ADAMTS2: variants seen among roughly 807,000 people sequenced by gnomAD.
ADAMTS2 encodes the protein ADAM metallopeptidase with thrombospondin type 1 motif 2.
A neutral mutation model predicts 123.0 loss-of-function variants in ADAMTS2; 50 were observed. The ratio of observed to expected loss-of-function variants is 0.41; its 90% CI spans 0.32 to 0.51. The LOEUF (loss-of-function observed/expected upper bound fraction) is 0.51. Ranked by LOEUF, ADAMTS2 falls within the 20% of genes least tolerant of loss-of-function variation. The pLI is 0.35. For missense variants in ADAMTS2, 1,494 were observed against 1,705.2 expected (o/e 0.88, Z 2.18); for synonymous variants, 678 against 695.4 (o/e 0.98, Z 0.39).
intron 3 of ADAMTS2, among the ~76,000 whole-genome samples, chr5:179,255,547 T>C (rs1766026701): frequency 6.6e-6 from 1 of 152,156 alleles, no homozygotes; most frequent in Admixed American, 6.5e-5. Context: ...CCTCTCTGCC[T>C]CCACCAGTGA....
In ADAMTS2 at chr5:179,345,344, G is replaced by A; in HGVS notation, c.-16C>T. On this transcript the variant is annotated 5_prime_UTR_variant, in exon 1 of 22. Transcript: ENST00000251582. This position sits in a 1 kb window ranked among gnomAD's most constrained non-coding sequence, Gnocchi z 7.5. Reference sequence around the variant, plus strand: ...GCGGATCCATGGCAGCCGGACTGCAGCCGGGGCCCCGCACTCGCAGCCGGC... The same window carrying A: ...GCGGATCCATGGCAGCCGGACTGCAACCGGGGCCCCGCACTCGCAGCCGGC... 1.8e-6 allele frequency: 2 copies of A among 1,132,724 alleles called. No homozygotes were observed. Among genetic ancestry groups the A allele is most frequent in the Admixed American group, 4.9e-5 (1 of 20,420 alleles). 70.2% of individuals were successfully genotyped at this position (1,132,724 alleles called of 1,614,324 possible).
At position 179,256,053 on chromosome 5, in the gene ADAMTS2, C is replaced by T. The variant is rs55965316; in HGVS notation, c.688+16858G>A. 0.052 allele frequency among the ~76,000 whole-genome samples: 7,971 copies of T among 152,310 alleles called. 291 individuals are homozygous for T. Among genetic ancestry groups the T allele is most frequent in the Non-Finnish European group, 0.074 (5,019 of 68,022 alleles). ...CCTTCTCTGTCCCCAGCCTCTCCCG[C>T]AGCTTGGCCTTGGTCCACCGTGGAC... On this transcript the variant is annotated intron_variant, in intron 3 of 21. Transcript: ENST00000251582. The surrounding 1 kb of genome is among the most constrained non-coding windows in gnomAD (Gnocchi z 4.1).
At chr5:179,230,640 CT>C (rs1185927160) in intron 3 of ADAMTS2, among the ~76,000 whole-genome samples, 1 of 152,220 alleles carries the variant, frequency 6.6e-6, no homozygotes, top group Admixed American at 6.5e-5. Context: ...TCTATACAGA[CT>C]TCCTCCATTT....
intron 13 of ADAMTS2, among the ~76,000 whole-genome samples, chr5:179,134,180 G>A (rs535939790): frequency 6.6e-6 from 1 of 152,244 alleles, no homozygotes; most frequent in African/African-American, 2.4e-5. Context: ...TATTAATTAT[G>A]TTTTTGTTTT....
At chr5:179,140,902 C>G (rs1275274136) in intron 10 of ADAMTS2, among the ~76,000 whole-genome samples, 1 of 147,996 alleles carries the variant, frequency 6.8e-6, no homozygotes, top group Non-Finnish European at 1.5e-5. Context: ...TGGGTTCAAG[C>G]GATTCTCTTG....
At position 179,241,769 on chromosome 5, in the gene ADAMTS2, A is replaced by G. The variant is rs546540454; in HGVS notation, c.688+31142T>C. Among the ~76,000 whole-genome samples, 3 of 152,386 alleles carry G rather than the reference A, an allele frequency of 2.0e-5. 1 individual carries two copies. Among genetic ancestry groups the G allele is most frequent in the Admixed American group, 2.0e-4 (3 of 15,308 alleles). On this transcript the variant is annotated intron_variant, in intron 3 of 21. Transcript: ENST00000251582. ...TGAAGTTTCTTTTTAAGTTCTGAGTATGTCGAAGAGATTTACAGTGCATTA... is the reference window on the plus strand; with the variant it reads ...TGAAGTTTCTTTTTAAGTTCTGAGTGTGTCGAAGAGATTTACAGTGCATTA...
chr5:179,336,076 AT>A (rs1389926494), intron 2 of ADAMTS2, among the ~76,000 whole-genome samples: 3 of 152,254 alleles, frequency 2.0e-5, no homozygotes, highest in Non-Finnish European at 1.5e-5. Flanking sequence ...AATCCCGGAC[AT>A]TCTGCACAGA....
intron 10 of ADAMTS2, chr5:179,151,056 C>A: frequency 3.4e-6 from 1 of 293,332 alleles, no homozygotes; most frequent in Admixed American, 3.9e-5. Context: ...ACCACCGCGC[C>A]CAGCTAATTT....
intron 3 of ADAMTS2, among the ~76,000 whole-genome samples, chr5:179,244,582 G>A (rs897006353): frequency 1.3e-5 from 2 of 152,136 alleles, no homozygotes; most frequent in African/African-American, 4.8e-5. Context: ...TACCAGTAAA[G>A]GTAATCACGC....
chr5:179,144,685 A>T (rs1763224877), intron 10 of ADAMTS2, among the ~76,000 whole-genome samples: 1 of 152,260 alleles, frequency 6.6e-6, no homozygotes, highest in Non-Finnish European at 1.5e-5. Flanking sequence ...AGACAACTGG[A>T]TATTCACATG....
chr5:179,114,487 T>C (rs1762626487), intron 21 of ADAMTS2, among the ~76,000 whole-genome samples, 163 bp from the exon 22 acceptor site: 1 of 152,070 alleles, frequency 6.6e-6, no homozygotes, highest in Non-Finnish European at 1.5e-5. Flanking sequence ...TGTCAAAGCA[T>C]CCCCAGTGCA....
rs553243630 is a variant in ADAMTS2 at position 179,214,140 on chromosome 5, G to C, written c.689-6425C>G. ...ACACAACTCAAAAGCCGTGCCCACA[G>C]TCACCATTACTGAGACACATTAGGA... On this transcript the variant is annotated intron_variant, in intron 3 of 21. Coordinates refer to ENST00000251582, the MANE Select transcript of ADAMTS2 (RefSeq NM_014244.5). Among the ~76,000 whole-genome samples the C allele has an allele frequency of 4.2e-5, 6 of 141,726 alleles. No homozygotes were observed. The South Asian group carries it at 1.2e-3, about 27-fold the overall frequency. The allele number at this position is 141,726 out of a possible 152,430, so 93.0% of individuals were successfully genotyped here.
rs11746123 is a variant in ADAMTS2, at chr5:179,152,393, T to C, written c.1516-138A>G. The stretch of plus-strand genomic sequence containing the variant: ...ATGGGCCCGTGAGGCTGGTGGGTGT[T>C]GTGATTCTGGGGTGGTGAAGACCTT... On this transcript the variant is annotated intron_variant, in intron 9 of 21. Transcript: ENST00000251582. 100,704 of 837,812 alleles carry C rather than the reference T, an allele frequency of 0.12. 6,899 individuals carry two copies. The highest frequency in any genetic ancestry group is 0.21 in the Middle Eastern group (866 of 4,138). The allele number at this position is 837,812 out of a possible 1,614,324, so 51.9% of individuals were successfully genotyped here.
chr5:179,131,996 T>C (rs1243923122), intron 15 of ADAMTS2, among the ~76,000 whole-genome samples: 3 of 152,212 alleles, frequency 2.0e-5, no homozygotes, highest in Non-Finnish European at 2.9e-5. Context: ...TGTCCTTTCA[T>C]AGCTGCTGCC....
intron 3 of ADAMTS2, among the ~76,000 whole-genome samples, chr5:179,217,246 G>A (rs1181351526): frequency 6.6e-6 from 1 of 152,216 alleles, no homozygotes; most frequent in African/African-American, 2.4e-5. Context: ...AGAGTGCCAA[G>A]TGCAAAAGGT....
At chr5:179,318,842 A>C (rs1038675657) in intron 2 of ADAMTS2, among the ~76,000 whole-genome samples, 22 of 152,192 alleles carry the variant, frequency 1.4e-4, no homozygotes, top group Admixed American at 2.0e-4. Flanking sequence ...GTCTTCCAGG[A>C]AGGTCAGACC....
intron 5 of ADAMTS2, among the ~76,000 whole-genome samples, chr5:179,161,025 A>G (rs899227981): frequency 2.0e-5 from 3 of 152,166 alleles, no homozygotes; most frequent in Non-Finnish European, 4.4e-5. Context: ...CACATTGAAC[A>G]TACAGCGTGA....
At chr5:179,140,079 G>C in intron 10 of ADAMTS2, 44 bp from the exon 11 acceptor site, 1 of 1,612,892 alleles carries the variant, frequency 6.2e-7, no homozygotes, top group Non-Finnish European at 8.5e-7. Flanking sequence ...CTCACACCGG[G>C]CCGTGGGGAC....
intron 3 of ADAMTS2, among the ~76,000 whole-genome samples, chr5:179,235,196 C>T (rs754904178): frequency 1.3e-5 from 2 of 152,204 alleles, no homozygotes; most frequent in African/African-American, 2.4e-5. Context: ...TATAAGCTCA[C>T]CAGTTTCCAA....
Sources: gnomAD v4.1 joint callset for allele counts (sites outside exome capture counted in the v4.1 genomes callset) on GRCh38, gnomAD v4.1.1 for gene constraint, Gnocchi (gnomAD v3.1) non-coding constraint, MANE v1.5 for transcripts, NCBI Gene and HGNC (gene_info 2026-07-23, HGNC 2026-07-21) for gene names.